The following EXOC6B variants were observed in gnomAD, a reference collection of about 807,000 sequenced individuals.
EXOC6B encodes the protein SEC15 homolog B.
Under a neutral mutation model 113.5 loss-of-function variants are expected in EXOC6B, and 54 were observed. The ratio of observed to expected loss-of-function variants is 0.48; its 90% CI spans 0.38 to 0.60. The LOEUF (loss-of-function observed/expected upper bound fraction) is 0.60, where lower values mean the gene tolerates loss of function less well. EXOC6B is among the 20% of genes least tolerant of loss of function. EXOC6B has a pLI of 0.00. For synonymous variants in EXOC6B, 357 were observed against 339.0 expected, an observed-to-expected ratio of 1.05 and a Z score of -0.58; for missense variants, 797 against 977.5, an observed-to-expected ratio of 0.82 and a Z score of 2.46.
intron 20 of EXOC6B, among the ~76,000 whole-genome samples, chr2:72,294,861 T>C (rs1434319478): frequency 1.3e-5 from 2 of 152,226 alleles, no homozygotes; most frequent in African/African-American, 2.4e-5. Flanking sequence ...TTTCAGACTT[T>C]GTTCCTTATT....
chr2:72,487,151 A>G (rs1699469363), intron 16 of EXOC6B, among the ~76,000 whole-genome samples: 2 of 152,208 alleles, frequency 1.3e-5, no homozygotes, highest in Admixed American at 1.3e-4. Flanking sequence ...ACAACTATGG[A>G]ACCAACATAA....
At chr2:72,369,964 G>A (rs1690896866) in intron 19 of EXOC6B, among the ~76,000 whole-genome samples, 2 of 152,178 alleles carry the variant, frequency 1.3e-5, no homozygotes, top group South Asian at 4.1e-4. Flanking sequence ...AGGACTTCAT[G>A]TCTGAAACAC....
chr2:72,397,650 T>C (rs1692824139), intron 18 of EXOC6B, among the ~76,000 whole-genome samples: 1 of 133,382 alleles, frequency 7.5e-6, no homozygotes, highest in Admixed American at 6.9e-5. Context: ...TAAAATAAAA[T>C]AAAATAAAAT....
At position 72,439,452 on chromosome 2, in the gene EXOC6B, T is replaced by C. The variant is rs894467662; in HGVS notation, c.1980+25708A>G. Among the ~76,000 whole-genome samples, 124 of 152,344 alleles carry C rather than the reference T, an allele frequency of 8.1e-4. 1 individual carries two copies. Among genetic ancestry groups the C allele is most frequent in the African/African-American group, 2.7e-3 (111 of 41,582 alleles). On this transcript the variant is annotated intron_variant, in intron 18 of 21. Transcript: ENST00000272427. ...TCTTCTCTGTGCTTGTCTGCCTGACTTATTTCAGAGAGACAGTCTTTAAGC... is the reference window on the plus strand; with the variant it reads ...TCTTCTCTGTGCTTGTCTGCCTGACCTATTTCAGAGAGACAGTCTTTAAGC...
intron 6 of EXOC6B, among the ~76,000 whole-genome samples, chr2:72,701,746 T>G (rs573675217): frequency 6.6e-6 from 1 of 152,266 alleles, no homozygotes; most frequent in South Asian, 2.1e-4. Flanking sequence ...GAGTCCTATG[T>G]AATTTAAAGT....
chr2:72,699,596 C>T (rs1678156604), intron 6 of EXOC6B, among the ~76,000 whole-genome samples: 1 of 151,968 alleles, frequency 6.6e-6, no homozygotes, highest in South Asian at 2.1e-4. Context: ...GCTGAAGACA[C>T]TCTGTTGGAA....
intron 6 of EXOC6B, among the ~76,000 whole-genome samples, chr2:72,635,890 T>C (rs1391640599): frequency 6.6e-6 from 1 of 152,160 alleles, no homozygotes; most frequent in Admixed American, 6.5e-5. Context: ...GAAGGTTGCT[T>C]GACTATTTGA....
chr2:72,317,157 T>G (rs561803447), intron 20 of EXOC6B, among the ~76,000 whole-genome samples: 1 of 99,878 alleles, frequency 1.0e-5, no homozygotes, highest in South Asian at 2.3e-4. Context: ...TTGTGGTTTG[T>G]TTTTTTTTTT....
At chr2:72,398,875 T>C (rs1692939876) in intron 18 of EXOC6B, among the ~76,000 whole-genome samples, 1 of 151,970 alleles carries the variant, frequency 6.6e-6, no homozygotes. Flanking sequence ...AGAAACTCTT[T>C]GGTATCTAGA....
At chr2:72,684,632 A>G (rs1676951991) in intron 6 of EXOC6B, among the ~76,000 whole-genome samples, 1 of 152,264 alleles carries the variant, frequency 6.6e-6, no homozygotes, top group Non-Finnish European at 1.5e-5. Flanking sequence ...ACAGCTCATT[A>G]ATGAAATGAA....
chr2:72,438,043 G>A (rs2105321400), intron 18 of EXOC6B, among the ~76,000 whole-genome samples: 1 of 152,202 alleles, frequency 6.6e-6, no homozygotes, highest in South Asian at 2.1e-4. Context: ...AGATCATTGA[G>A]TACACATTAG....
intron 6 of EXOC6B, among the ~76,000 whole-genome samples, chr2:72,698,964 T>C (rs2104623595): frequency 6.6e-6 from 1 of 152,326 alleles, no homozygotes; most frequent in Middle Eastern, 3.4e-3. Context: ...ATACGGACCT[T>C]AATAATCTAG....
chr2:72,370,039 C>T (rs966793313), intron 19 of EXOC6B, among the ~76,000 whole-genome samples: 45 of 152,260 alleles, frequency 3.0e-4, no homozygotes, highest in African/African-American at 9.6e-4. Flanking sequence ...AGAGCTTCTG[C>T]ACAGCAAAAG....
At chr2:72,729,489 CA>C (rs1416103850) in intron 5 of EXOC6B, among the ~76,000 whole-genome samples, 1 of 150,630 alleles carries the variant, frequency 6.6e-6, no homozygotes, top group Non-Finnish European at 1.5e-5. Flanking sequence ...TGGCTCATCA[CA>C]ACCTCTGCCT....
At chr2:72,766,600 C>G (rs1573761486) in intron 1 of EXOC6B, among the ~76,000 whole-genome samples, 2 of 152,162 alleles carry the variant, frequency 1.3e-5, no homozygotes, top group South Asian at 2.1e-4. Context: ...AAACCCAGAA[C>G]TGGGTTTTTA....
At chr2:72,276,733 TTA>T (rs1344856545) in intron 20 of EXOC6B, among the ~76,000 whole-genome samples, 1 of 152,200 alleles carries the variant, frequency 6.6e-6, no homozygotes, top group African/African-American at 2.4e-5. Flanking sequence ...GCTCATAGTA[TTA>T]ACTTGTTCAT....
intron 1 of EXOC6B, among the ~76,000 whole-genome samples, chr2:72,783,006 T>C (rs1199831119): frequency 2.0e-5 from 3 of 152,238 alleles, no homozygotes; most frequent in Non-Finnish European, 2.9e-5. Flanking sequence ...ATCCCTCTGA[T>C]ATACTGGCTT....
At chr2:72,550,908 A>ATTTTTTTT (rs1254862534) in intron 8 of EXOC6B, among the ~76,000 whole-genome samples, 1 of 141,234 alleles carries the variant, frequency 7.1e-6, no homozygotes, top group African/African-American at 2.6e-5. Flanking sequence ...ACTGCCATTT[A>ATTTTTTTT]TTTTTTTTTT....
At chr2:72,758,134 G>A (rs563399645) in intron 1 of EXOC6B, among the ~76,000 whole-genome samples, 2 of 139,472 alleles carry the variant, frequency 1.4e-5, no homozygotes, top group South Asian at 2.3e-4. Context: ...CTGCACTCCA[G>A]CCTGGGTGAC....
Sources: allele counts gnomAD v4.1 joint callset (sites outside exome capture counted in the v4.1 genomes callset), GRCh38; gene constraint gnomAD v4.1.1; transcripts MANE v1.5; gene names NCBI Gene and HGNC (gene_info 2026-07-23, HGNC 2026-07-21).